The following SMARCC1 variants were observed in gnomAD, a reference collection of about 807,000 sequenced individuals.
The protein encoded by SMARCC1 is SWI/SNF complex subunit SMARCC1.
SMARCC1 carries 43 observed loss-of-function variants against 147.4 expected under a neutral mutation model. The ratio of observed to expected loss-of-function variants is 0.29; its 90% CI spans 0.23 to 0.38. The LOEUF (loss-of-function observed/expected upper bound fraction) is 0.38, where lower values mean the gene tolerates loss of function less well. Among genes scored for constraint, SMARCC1 ranks in the 10% least tolerant of loss-of-function variants. SMARCC1 has a pLI of 1.00. For synonymous variants in SMARCC1, 495 were observed against 484.4 expected, an observed-to-expected ratio of 1.02 and a Z score of -0.29; for missense variants, 1,119 against 1,381.1, an observed-to-expected ratio of 0.81 and a Z score of 3.01.
intron 26 of SMARCC1, among the ~76,000 whole-genome samples, chr3:47,602,472 TA>T (rs1431689196): frequency 6.6e-6 from 1 of 152,068 alleles, no homozygotes; most frequent in Non-Finnish European, 1.5e-5. Flanking sequence ...AAATTTTTTT[TA>T]TTTTTGTAGA....
At chr3:47,778,465 A>G (rs1010259133) in intron 1 of SMARCC1, among the ~76,000 whole-genome samples, 2 of 151,762 alleles carry the variant, frequency 1.3e-5, no homozygotes, top group Non-Finnish European at 2.9e-5. Context: ...CGTGCATGCC[A>G]CCACAACTGA....
intron 26 of SMARCC1, among the ~76,000 whole-genome samples, chr3:47,609,307 G>A (rs1031721794): frequency 3.3e-5 from 5 of 151,834 alleles, no homozygotes; most frequent in South Asian, 2.1e-4. Flanking sequence ...CCATCCTGGC[G>A]AACACGGTGA....
chr3:47,685,201 G>A (rs761823224), intron 14 of SMARCC1, among the ~76,000 whole-genome samples: 6 of 151,944 alleles, frequency 3.9e-5, no homozygotes, highest in African/African-American at 4.8e-5. Context: ...TAACTGATAC[G>A]GATACTAAAT....
At position 47,772,952 on chromosome 3, in the gene SMARCC1, A is replaced by C. The variant is rs755584631; in HGVS notation, c.196-16T>G. On this transcript the variant is annotated splice_polypyrimidine_tract_variant and intron_variant, in intron 1 of 27. Transcript: ENST00000254480. ...CATGAACATACTGCAAGATAAAGAC[A>C]GGCATTCAAAAACTAGTACAATTTT... 14 of 1,607,534 alleles carry C rather than the reference A, an allele frequency of 8.7e-6. No homozygotes were observed. The highest frequency in any genetic ancestry group is 1.2e-5 in the Non-Finnish European group (14 of 1,175,838).
intron 5 of SMARCC1, among the ~76,000 whole-genome samples, chr3:47,733,915 G>A (rs893610396): frequency 1.4e-5 from 2 of 146,026 alleles, no homozygotes; most frequent in East Asian, 4.0e-4. Context: ...ACACACATAT[G>A]TGCTTGTATA....
intron 11 of SMARCC1, among the ~76,000 whole-genome samples, chr3:47,697,792 G>A (rs1282000374): frequency 6.6e-6 from 1 of 151,408 alleles, no homozygotes; most frequent in Non-Finnish European, 1.5e-5. Context: ...CGGATCATGA[G>A]GTCAGGAGAT....
At chr3:47,618,638 G>A (rs1207439440) in intron 25 of SMARCC1, among the ~76,000 whole-genome samples, 1 of 152,132 alleles carries the variant, frequency 6.6e-6, no homozygotes, top group Non-Finnish European at 1.5e-5. Flanking sequence ...AACTTCTGCA[G>A]GGCTGAGAGA....
At chr3:47,765,212 T>C (rs1367301866) in intron 2 of SMARCC1, among the ~76,000 whole-genome samples, 2 of 152,002 alleles carry the variant, frequency 1.3e-5, no homozygotes, top group African/African-American at 2.4e-5. Context: ...GATCGTGCCA[T>C]TGCACGCCAG....
chr3:47,625,850 AC>A (rs1197009884), intron 24 of SMARCC1, among the ~76,000 whole-genome samples: 1 of 152,182 alleles, frequency 6.6e-6, no homozygotes, highest in East Asian at 1.9e-4. Flanking sequence ...AAACATTTGT[AC>A]CACCAAGAAG....
intron 2 of SMARCC1, among the ~76,000 whole-genome samples, chr3:47,752,025 G>A (rs866522047): frequency 2.2e-4 from 34 of 152,104 alleles, no homozygotes; most frequent in Admixed American, 1.4e-3. Context: ...CAGAGGTTGC[G>A]ATGAACCGAG....
intron 2 of SMARCC1, among the ~76,000 whole-genome samples, chr3:47,761,449 A>G (rs1040498635): frequency 6.6e-6 from 1 of 151,996 alleles, no homozygotes; most frequent in Non-Finnish European, 1.5e-5. Context: ...ATGGTAAATA[A>G]TGGTATTATA....
rs1162592122 is a variant in SMARCC1, at chr3:47,639,332, T to A, written c.2321-552A>T. 2.0e-5 allele frequency among the ~76,000 whole-genome samples: 3 copies of A among 152,220 alleles called. No homozygotes were observed. In the East Asian group the frequency reaches 5.8e-4, roughly 29 times the overall value. ...CAGCACAGTATAACAGAAGCACATA[T>A]CAATAAATTACATGAGAAAATTATT... On this transcript the variant is annotated intron_variant, in intron 21 of 27. Transcript: ENST00000254480.
intron 10 of SMARCC1, 119 bp downstream of exon 10, chr3:47,706,290 T>G (rs532693612): frequency 2.2e-6 from 2 of 923,048 alleles, no homozygotes; most frequent in Non-Finnish European, 2.9e-6. Context: ...CAGGCTGGAT[T>G]TGAACTACTG....
chr3:47,636,230 T>C, intron 22 of SMARCC1, 94 bp from the exon 23 acceptor site: 1 of 675,024 alleles, frequency 1.5e-6, no homozygotes. Context: ...AAGGTTCCAA[T>C]ATTTTTGGCA....
At chr3:47,680,386 C>T in intron 15 of SMARCC1, 51 bp downstream of exon 15, 2 of 1,215,234 alleles carry the variant, frequency 1.6e-6, no homozygotes, top group Non-Finnish European at 2.4e-6. Flanking sequence ...GCTTGAAGAG[C>T]CCCTACCGCA....
chr3:47,644,117 G>A (rs780574557), intron 21 of SMARCC1, among the ~76,000 whole-genome samples: 18 of 152,152 alleles, frequency 1.2e-4, no homozygotes, highest in Non-Finnish European at 1.8e-4. Flanking sequence ...AGAAGTGCAA[G>A]GCTAAAATGA....
At chr3:47,747,613 C>G (rs934822345) in intron 2 of SMARCC1, among the ~76,000 whole-genome samples, 1 of 151,346 alleles carries the variant, frequency 6.6e-6, no homozygotes, top group East Asian at 2.0e-4. Context: ...GCCTGGGTGA[C>G]AGAGTGTGAC....
At position 47,686,908 on chromosome 3, in the gene SMARCC1, C is replaced by G. The variant is rs538946114; in HGVS notation, c.1264-738G>C. ...GCTGAAGTCAGCAAGATTGCTTGAG[C>G]ATGGGAGGTCAAGACTACAGTGAGC... On this transcript the variant is annotated intron_variant, in intron 13 of 27. Coordinates refer to ENST00000254480, the MANE Select transcript of SMARCC1 (RefSeq NM_003074.4). 2.0e-5 allele frequency among the ~76,000 whole-genome samples: 3 copies of G among 152,276 alleles called. No homozygotes were observed. In the South Asian group the frequency reaches 6.2e-4, roughly 32 times the overall value.
intron 16 of SMARCC1, among the ~76,000 whole-genome samples, 156 bp from the exon 17 acceptor site, chr3:47,676,938 TGAC>T (rs2033581960): frequency 6.6e-6 from 1 of 152,202 alleles, no homozygotes; most frequent in Non-Finnish European, 1.5e-5. Context: ...TTTTGTTATG[TGAC>T]GAACAATTTC....
Sources: gnomAD v4.1 joint callset for allele counts (sites outside exome capture counted in the v4.1 genomes callset) on GRCh38, gnomAD v4.1.1 for gene constraint, MANE v1.5 for transcripts, NCBI Gene and HGNC (gene_info 2026-07-23, HGNC 2026-07-21) for gene names.